The following MBNL2 variants were observed in gnomAD, a reference collection of about 807,000 sequenced individuals.
MBNL2 encodes muscleblind like splicing regulator 2.
MBNL2 carries 17 observed loss-of-function variants against 41.9 expected under a neutral mutation model. The ratio of observed to expected loss-of-function variants is 0.41; its 90% CI spans 0.28 to 0.61. The LOEUF is 0.61. MBNL2 is among the 20% of genes least tolerant of loss of function. The pLI, the probability that MBNL2 is intolerant of heterozygous loss-of-function variation, is 0.35. For missense variants in MBNL2, 336 were observed against 505.6 expected (o/e 0.66, Z 3.22); for synonymous variants, 195 against 182.9 (o/e 1.07, Z -0.53).
Position 97,391,571 on chromosome 13 carries a change from AC to A in MBNL2, c.*124del, listed in dbSNP as rs1354279694. 6 of 674,188 alleles carry A rather than the reference AC, an allele frequency of 8.9e-6. No individual in the cohort carries two copies. Among genetic ancestry groups the A allele is most frequent in the Non-Finnish European group, 1.6e-5 (6 of 382,142 alleles). 41.8% of individuals were successfully genotyped at this position (674,188 alleles called of 1,614,324 possible). A position where few individuals can be genotyped will look rare whatever the true frequency, so the allele number is the denominator to read the frequency against. Reference sequence around the variant, plus strand: ...AACCTAAGATAGTTAACTACCTGAGACCAGCTGTGATGTTTAAAGACATAAA... The same window carrying A: ...AACCTAAGATAGTTAACTACCTGAGACAGCTGTGATGTTTAAAGACATAAA... On this transcript the variant is annotated 3_prime_UTR_variant, in exon 9 of 9. Transcript: ENST00000679496.
chr13:97,372,545 T>C (rs926707237), intron 8 of MBNL2, among the ~76,000 whole-genome samples: 1 of 152,232 alleles, frequency 6.6e-6, no homozygotes, highest in East Asian at 1.9e-4. Flanking sequence ...ATATGTCATA[T>C]ACATACAGCC....
chr13:97,383,819 A>G (rs1290266631), intron 8 of MBNL2, among the ~76,000 whole-genome samples: 1 of 152,126 alleles, frequency 6.6e-6, no homozygotes, highest in Non-Finnish European at 1.5e-5. Context: ...CCTCCGAACA[A>G]TATTCCCCCA....
chr13:97,345,867 C>A (rs1459134796), intron 4 of MBNL2, among the ~76,000 whole-genome samples: 1 of 150,182 alleles, frequency 6.7e-6, no homozygotes, highest in African/African-American at 2.4e-5. Context: ...AATTATCCCT[C>A]CACACACACA....
At chr13:97,207,807 C>T in the MBNL2 span, among the ~76,000 whole-genome samples, 1 of 152,312 alleles carries the variant, frequency 6.6e-6, no homozygotes, top group African/African-American at 2.4e-5. Flanking sequence ...AAGGCAAGTC[C>T]CTTCCACCTA....
intron 1 of MBNL2, among the ~76,000 whole-genome samples, chr13:97,261,431 C>T (rs1292314689): frequency 1.3e-5 from 2 of 151,614 alleles, no homozygotes; most frequent in Non-Finnish European, 2.9e-5. Flanking sequence ...GTGTACTAGC[C>T]TCATACCTCA....
At chr13:97,381,283 A>T (rs1420585831) in intron 8 of MBNL2, among the ~76,000 whole-genome samples, 1 of 152,206 alleles carries the variant, frequency 6.6e-6, no homozygotes, top group African/African-American at 2.4e-5. Context: ...AGTACCTTAC[A>T]TTAATCTTAC....
chr13:97,388,089 T>C (rs1337145763), intron 8 of MBNL2, among the ~76,000 whole-genome samples: 2 of 152,110 alleles, frequency 1.3e-5, no homozygotes, highest in African/African-American at 4.8e-5. Flanking sequence ...CTCACTTTGG[T>C]GAACTGTATT....
the MBNL2 span, among the ~76,000 whole-genome samples, chr13:97,173,505 T>A: frequency 6.6e-6 from 1 of 152,204 alleles, no homozygotes. Flanking sequence ...TGTCCCAGTT[T>A]TTGGCATCAC....
intron 2 of MBNL2, among the ~76,000 whole-genome samples, chr13:97,287,327 T>C (rs554988832): frequency 6.6e-5 from 10 of 152,226 alleles, no homozygotes; most frequent in Non-Finnish European, 1.3e-4. Context: ...TTCACTAGTA[T>C]GCTGTGAAAT....
the MBNL2 span, among the ~76,000 whole-genome samples, chr13:97,181,461 A>G: frequency 2.6e-5 from 4 of 152,228 alleles, no homozygotes; most frequent in African/African-American, 7.2e-5. Context: ...ACTCAGAAAC[A>G]TAGGGAGATT....
the MBNL2 span, among the ~76,000 whole-genome samples, chr13:97,180,859 T>C: frequency 1.3e-5 from 2 of 152,154 alleles, no homozygotes; most frequent in African/African-American, 4.8e-5. Flanking sequence ...ACAGATCTAT[T>C]ATTTCACAGT....
chr13:97,247,630 T>C (rs1481814281), intron 1 of MBNL2, among the ~76,000 whole-genome samples: 1 of 152,226 alleles, frequency 6.6e-6, no homozygotes, highest in Non-Finnish European at 1.5e-5. Context: ...GTGGTGTTAC[T>C]TATAAAAAAA....
At chr13:97,217,050 AATAT>A (rs1336736015), upstream of MBNL2, among the ~76,000 whole-genome samples, 4 of 146,694 alleles carry the variant, frequency 2.7e-5, no homozygotes, top group Admixed American at 2.0e-4. Flanking sequence ...CATAATATGT[AATAT>A]ATACATATAT....
intron 1 of MBNL2, among the ~76,000 whole-genome samples, chr13:97,246,493 C>T (rs1053899059): frequency 3.9e-5 from 6 of 152,036 alleles, no homozygotes; most frequent in Admixed American, 6.5e-5. Context: ...GTCAGCAGTG[C>T]GTGTAAGAAA....
At chr13:97,273,164 C>CCAG in intron 1 of MBNL2, among the ~76,000 whole-genome samples, 1 of 152,300 alleles carries the variant, frequency 6.6e-6, no homozygotes, top group South Asian at 2.1e-4. Context: ...GGTTGAGCAT[C>CCAG]TACCTTGGGT....
intron 1 of MBNL2, among the ~76,000 whole-genome samples, chr13:97,246,459 A>C (rs949407894): frequency 6.6e-6 from 1 of 152,214 alleles, no homozygotes; most frequent in Non-Finnish European, 1.5e-5. Flanking sequence ...CATGAGGATA[A>C]AGACTGTTAA....
intron 1 of MBNL2, among the ~76,000 whole-genome samples, chr13:97,251,764 A>C (rs2046555959): frequency 6.6e-6 from 1 of 151,706 alleles, no homozygotes; most frequent in African/African-American, 2.4e-5. Context: ...TTAACTTTTC[A>C]AACAATACTT....
the MBNL2 span, among the ~76,000 whole-genome samples, chr13:97,203,881 GA>G: frequency 1.9e-4 from 23 of 124,132 alleles, no homozygotes; most frequent in African/African-American, 6.8e-4. Context: ...TGAATGGATG[GA>G]TGGATGGATG....
chr13:97,382,787 T>G (rs774828699), intron 8 of MBNL2, among the ~76,000 whole-genome samples: 3 of 151,978 alleles, frequency 2.0e-5, no homozygotes, highest in Non-Finnish European at 2.9e-5. Context: ...GTTCAAGTGA[T>G]TCTCCTGCCT....
Sources: allele counts gnomAD v4.1 joint callset (sites outside exome capture counted in the v4.1 genomes callset), GRCh38; gene constraint gnomAD v4.1.1; transcripts MANE v1.5; gene names NCBI Gene and HGNC (gene_info 2026-07-23, HGNC 2026-07-21).